Variants in LRRTM4 observed in about 807,000 individuals in gnomAD.
The protein encoded by LRRTM4 is leucine-rich repeat transmembrane neuronal protein 4.
LRRTM4 carries 25 observed loss-of-function variants against 47.6 expected under a neutral mutation model. The observed-to-expected ratio is 0.53, with a 90% CI of 0.38 to 0.73. The LOEUF (loss-of-function observed/expected upper bound fraction) is 0.73, where lower values mean the gene tolerates loss of function less well. Ranked by LOEUF, LRRTM4 falls within the 30% of genes least tolerant of loss-of-function variation. LRRTM4 has a pLI of 0.00. For synonymous variants in LRRTM4, 311 were observed against 269.5 expected (o/e 1.15, Z -1.51); for missense variants, 638 against 713.4 (o/e 0.89, Z 1.20).
chr2:77,075,143 C>T (rs1680290207), intron 3 of LRRTM4, among the ~76,000 whole-genome samples: 1 of 152,074 alleles, frequency 6.6e-6, no homozygotes, highest in African/African-American at 2.4e-5. Context: ...GCTGTTTCTG[C>T]TAATACCTGG....
intron 3 of LRRTM4, among the ~76,000 whole-genome samples, chr2:77,354,517 T>C (rs899772298): frequency 2.0e-5 from 3 of 152,118 alleles, no homozygotes; most frequent in African/African-American, 4.8e-5. Flanking sequence ...CTCGGTAAGT[T>C]TCCCAGAAGC....
At chr2:77,084,209 A>G (rs966851518) in intron 3 of LRRTM4, among the ~76,000 whole-genome samples, 2 of 152,184 alleles carry the variant, frequency 1.3e-5, no homozygotes, top group African/African-American at 2.4e-5. Flanking sequence ...CATTACTTCA[A>G]AGAAAATTGA....
intron 3 of LRRTM4, among the ~76,000 whole-genome samples, chr2:76,935,448 G>C (rs1674912856): frequency 6.6e-6 from 1 of 152,090 alleles, no homozygotes; most frequent in Admixed American, 6.5e-5. Context: ...GGGCAGTATG[G>C]CCATTTTCAC....
intron 3 of LRRTM4, among the ~76,000 whole-genome samples, chr2:77,376,120 T>C (rs1170133751): frequency 6.6e-6 from 1 of 151,932 alleles, no homozygotes; most frequent in Non-Finnish European, 1.5e-5. Flanking sequence ...ACTATTTTTG[T>C]ATAATAGCTC....
intron 3 of LRRTM4, among the ~76,000 whole-genome samples, chr2:76,841,073 C>T (rs1671661449): frequency 7.0e-6 from 1 of 141,948 alleles, no homozygotes; most frequent in African/African-American, 2.9e-5. Flanking sequence ...GGCACATAGA[C>T]ACCATGGAAT....
chr2:77,289,085 T>C (rs1676747115), intron 3 of LRRTM4, among the ~76,000 whole-genome samples: 4 of 152,094 alleles, frequency 2.6e-5, no homozygotes. Flanking sequence ...TGTCTATATG[T>C]ATAGCTGTAT....
chr2:77,307,421 T>C (rs1167649515), intron 3 of LRRTM4, among the ~76,000 whole-genome samples: 2 of 150,548 alleles, frequency 1.3e-5, no homozygotes, highest in African/African-American at 4.9e-5. Context: ...GTATATGATA[T>C]GTAATGTTTA....
chr2:77,517,093 T>C, intron 3 of LRRTM4: 1 of 985,174 alleles, frequency 1.0e-6, no homozygotes, highest in Non-Finnish European at 1.2e-6. Context: ...AAGGCCTTAG[T>C]AGTCAGTCTT....
At chr2:77,382,455 T>C (rs1673098528) in intron 3 of LRRTM4, among the ~76,000 whole-genome samples, 1 of 152,080 alleles carries the variant, frequency 6.6e-6, no homozygotes, top group Admixed American at 6.6e-5. Context: ...TGTAAGTCAG[T>C]GGGCCTTACA....
chr2:77,318,441 A>G (rs1461009354), intron 3 of LRRTM4, among the ~76,000 whole-genome samples: 1 of 152,184 alleles, frequency 6.6e-6, no homozygotes, highest in Non-Finnish European at 1.5e-5. Context: ...TGGACTTCAC[A>G]ACACCTTGAA....
chr2:77,266,357 A>T (rs1329587425), intron 3 of LRRTM4, among the ~76,000 whole-genome samples: 1 of 152,260 alleles, frequency 6.6e-6, no homozygotes, highest in East Asian at 1.9e-4. Flanking sequence ...CAAAGATAAA[A>T]TGAGATAATA....
At chr2:77,361,694 C>T (rs985113611) in intron 3 of LRRTM4, among the ~76,000 whole-genome samples, 3 of 152,126 alleles carry the variant, frequency 2.0e-5, no homozygotes, top group African/African-American at 7.2e-5. Context: ...AAAATATAGG[C>T]TTGGTGATGT....
At chr2:76,773,011 A>G (rs552281511) in intron 3 of LRRTM4, 1 of 152,276 alleles carries the variant, frequency 6.6e-6, no homozygotes, top group Admixed American at 6.5e-5. Context: ...GGTACTATCT[A>G]TGGTTTCATT....
chr2:77,485,222 A>C (rs932786458), intron 3 of LRRTM4, among the ~76,000 whole-genome samples: 2 of 152,126 alleles, frequency 1.3e-5, no homozygotes, highest in Admixed American at 1.3e-4. Context: ...AATAGTATAT[A>C]AATACAGAAT....
intron 3 of LRRTM4, among the ~76,000 whole-genome samples, chr2:77,277,000 T>G (rs569395078): frequency 8.0e-4 from 122 of 151,888 alleles, no homozygotes; most frequent in Non-Finnish European, 1.4e-3. Context: ...CTGTATATTC[T>G]CTATCAGTAT....
intron 3 of LRRTM4, among the ~76,000 whole-genome samples, chr2:77,313,504 G>A (rs556302724): frequency 7.3e-5 from 11 of 151,288 alleles, no homozygotes; most frequent in African/African-American, 2.7e-4. Flanking sequence ...AGTTGGTGTT[G>A]TGATGTTCCT....
At chr2:77,390,436 A>T (rs548620727) in intron 3 of LRRTM4, among the ~76,000 whole-genome samples, 1 of 151,968 alleles carries the variant, frequency 6.6e-6, no homozygotes, top group African/African-American at 2.4e-5. Context: ...GTACTGAAAC[A>T]CTCATGCAAC....
chr2:77,214,685 A>AT (rs1674388066), intron 3 of LRRTM4, among the ~76,000 whole-genome samples: 2 of 151,790 alleles, frequency 1.3e-5, no homozygotes, highest in Non-Finnish European at 2.9e-5. Context: ...CAAAAATACT[A>AT]TTTTTATATA....
intron 3 of LRRTM4, among the ~76,000 whole-genome samples, chr2:76,831,509 CT>C (rs973298627): frequency 2.4e-4 from 36 of 152,070 alleles, no homozygotes; most frequent in African/African-American, 8.7e-4. Context: ...TGGGTTGATT[CT>C]CCGTTTAATT....
Sources: gnomAD v4.1 joint callset for allele counts (sites outside exome capture counted in the v4.1 genomes callset) on GRCh38, gnomAD v4.1.1 for gene constraint, MANE v1.5 for transcripts, NCBI Gene and HGNC (gene_info 2026-07-23, HGNC 2026-07-21) for gene names.